LEKR1: variants seen among roughly 807,000 people sequenced by gnomAD.
LEKR1 encodes the protein protein LEKR1.
A neutral mutation model predicts 72.4 loss-of-function variants in LEKR1; 59 were observed. The observed-to-expected ratio is 0.82, with a 90% CI of 0.66 to 1.01. LEKR1 has a LOEUF of 1.01. Ranked by LOEUF, LEKR1 falls within the 50% of genes least tolerant of loss-of-function variation. The pLI, the probability that LEKR1 is intolerant of heterozygous loss-of-function variation, is 0.00. For synonymous variants in LEKR1, 257 were observed against 263.2 expected (o/e 0.98, Z 0.23); for missense variants, 728 against 759.2 (o/e 0.96, Z 0.48).
intron 3 of LEKR1, among the ~76,000 whole-genome samples, chr3:156,915,596 T>C (rs1723556034): frequency 1.3e-5 from 2 of 152,148 alleles, no homozygotes; most frequent in Non-Finnish European, 2.9e-5. Context: ...GCCCACTTTT[T>C]AACGGGGTTG....
Position 156,922,313 on chromosome 3 carries a change from T to A in LEKR1, c.383+1619T>A, listed in dbSNP as rs532311986. Among the ~76,000 whole-genome samples the A allele has an allele frequency of 1.8e-3, 275 of 152,130 alleles. 2 individuals carry two copies. Among genetic ancestry groups the A allele is most frequent in the African/African-American group, 6.5e-3 (269 of 41,522 alleles). ...TTTAAGCTAGATTATTGATTATTTT[T>A]AAAATATCAGGCCATAAAACTTAGT... is the stretch of plus-strand genomic sequence containing the variant. On this transcript the variant is annotated intron_variant, in intron 4 of 12. Transcript: ENST00000356539.
At chr3:156,860,361 G>A (rs1333715466) in intron 3 of LEKR1, among the ~76,000 whole-genome samples, 1 of 152,152 alleles carries the variant, frequency 6.6e-6, no homozygotes, top group African/African-American at 2.4e-5. Context: ...ATGCCAAATT[G>A]AGACTGTCAT....
chr3:156,898,557 A>G (rs1254346721), intron 3 of LEKR1, among the ~76,000 whole-genome samples: 1 of 152,146 alleles, frequency 6.6e-6, no homozygotes, highest in Admixed American at 6.5e-5. Flanking sequence ...AGTCTCTGGA[A>G]CTGTGAGAAA....
intron 10 of LEKR1, among the ~76,000 whole-genome samples, chr3:157,017,948 C>CAAAAAAAAAAAAAAAAAAAAAAAAAAA (rs58950224): frequency 4.8e-5 from 4 of 82,974 alleles, no homozygotes; most frequent in African/African-American, 1.4e-4. Context: ...GACTCTGTCT[C>CAAAAAAAAAAAAAAAAAAAAAAAAAAA]AAAAAAAAAA....
chr3:157,002,050 A>G (rs1486602846), intron 9 of LEKR1, among the ~76,000 whole-genome samples: 1 of 152,184 alleles, frequency 6.6e-6, no homozygotes, highest in Admixed American at 6.5e-5. Context: ...AATCAGACCT[A>G]GGAGTACAAT....
chr3:156,989,852 C>T (rs1002065868), intron 7 of LEKR1, among the ~76,000 whole-genome samples: 9 of 152,066 alleles, frequency 5.9e-5, no homozygotes, highest in African/African-American at 2.2e-4. Flanking sequence ...CACACACACA[C>T]ACAAATTTTT....
At chr3:156,899,191 A>C (rs1721514021) in intron 3 of LEKR1, among the ~76,000 whole-genome samples, 1 of 150,904 alleles carries the variant, frequency 6.6e-6, no homozygotes, top group Non-Finnish European at 1.5e-5. Flanking sequence ...GTACAAATTC[A>C]AACTTTCACC....
intron 6 of LEKR1, among the ~76,000 whole-genome samples, chr3:156,964,744 G>A (rs149418628): frequency 6.0e-4 from 92 of 152,116 alleles, no homozygotes; most frequent in African/African-American, 2.0e-3. Context: ...TTAGCCCTGC[G>A]TACAGGAATC....
At chr3:156,916,001 C>G (rs1293565033) in intron 3 of LEKR1, among the ~76,000 whole-genome samples, 4 of 152,080 alleles carry the variant, frequency 2.6e-5, no homozygotes, top group Non-Finnish European at 4.4e-5. Flanking sequence ...ACCCTAGCAC[C>G]ATTTATTGAA....
chr3:157,038,428 A>G (rs1482817774), intron 12 of LEKR1, among the ~76,000 whole-genome samples: 1 of 152,224 alleles, frequency 6.6e-6, no homozygotes, highest in Non-Finnish European at 1.5e-5. Context: ...ACTAGGCAAT[A>G]TGTCCATAGG....
At chr3:156,852,593 C>T (rs1715499377) in intron 2 of LEKR1, among the ~76,000 whole-genome samples, 175 bp from the exon 3 acceptor site, 1 of 152,106 alleles carries the variant, frequency 6.6e-6, no homozygotes, top group Non-Finnish European at 1.5e-5. Flanking sequence ...TTGTGTCAGA[C>T]TCAATATGCC....
chr3:156,845,537 T>TAA (rs199665534), intron 2 of LEKR1, among the ~76,000 whole-genome samples: 3 of 151,226 alleles, frequency 2.0e-5, no homozygotes, highest in Non-Finnish European at 1.5e-5. Flanking sequence ...GGTTCCTTTT[T>TAA]TAAAAAAAAA....
chr3:156,878,492 C>G (rs1718885226), intron 3 of LEKR1, among the ~76,000 whole-genome samples: 1 of 152,110 alleles, frequency 6.6e-6, no homozygotes, highest in Non-Finnish European at 1.5e-5. Context: ...TGAGAGGATA[C>G]TTAATATAAT....
chr3:156,969,348 A>G (rs1425921063), intron 6 of LEKR1, among the ~76,000 whole-genome samples: 2 of 152,140 alleles, frequency 1.3e-5, no homozygotes, highest in Admixed American at 6.5e-5. Context: ...TTTTTTGAAA[A>G]GATCAACAAA....
chr3:156,868,090 G>T (rs1717512436), intron 3 of LEKR1, among the ~76,000 whole-genome samples: 1 of 151,974 alleles, frequency 6.6e-6, no homozygotes, highest in Non-Finnish European at 1.5e-5. Context: ...ATGACTGTCT[G>T]CCATGAATTG....
rs374309390 is a variant in LEKR1, at chr3:157,028,183, T to C, written c.1449T>C (p.His483=). Residue 483 remains histidine (H), a synonymous_variant, in exon 12 of 13, where the codon CAT becomes CAC. Coordinates refer to ENST00000356539, the MANE Select transcript of LEKR1 (RefSeq NM_001004316.3). ...TTAAAGAAAAACTTCACAAATCCCA[T>C]ATTCGGTACACTGAAGAATCTAATT... is the stretch of plus-strand genomic sequence containing the variant. The part of the protein sequence containing the change: ...TTLKEKLHKS[H]IRYTEESNSK... The C allele has an allele frequency of 3.7e-6, 6 of 1,611,976 alleles. No homozygotes were observed. Among genetic ancestry groups the C allele is most frequent in the Middle Eastern group, 1.7e-4 (1 of 6,052 alleles).
intron 6 of LEKR1, 50 bp downstream of exon 6, chr3:156,942,764 G>T: frequency 1.3e-6 from 1 of 795,268 alleles, no homozygotes; most frequent in Middle Eastern, 2.8e-4. Context: ...ATAAGTACAT[G>T]AATAAATGTT....
At chr3:157,010,019 T>C (rs562233838) in intron 9 of LEKR1, among the ~76,000 whole-genome samples, 1 of 152,174 alleles carries the variant, frequency 6.6e-6, no homozygotes, top group Admixed American at 6.5e-5. Context: ...GCTCATAATA[T>C]TTCTGTATTA....
intron 12 of LEKR1, among the ~76,000 whole-genome samples, chr3:157,038,543 G>T (rs1735121733): frequency 6.6e-6 from 1 of 152,160 alleles, no homozygotes; most frequent in Admixed American, 6.5e-5. Context: ...TAGAGCAAGG[G>T]TTGAGAACAG....
Sources: gnomAD v4.1 joint callset for allele counts (sites outside exome capture counted in the v4.1 genomes callset) on GRCh38, gnomAD v4.1.1 for gene constraint, MANE v1.5 for transcripts, NCBI Gene and HGNC (gene_info 2026-07-23, HGNC 2026-07-21) for gene names.